The following KIF13B variants were observed in gnomAD, a reference collection of about 807,000 sequenced individuals.
The protein encoded by KIF13B is kinesin family member 13B.
In KIF13B, 127 loss-of-function variants were observed where a neutral mutation model predicts 222.0. The observed-to-expected ratio is 0.57, with a 90% confidence interval of 0.50 to 0.66. The LOEUF (loss-of-function observed/expected upper bound fraction) is 0.66, where lower values mean the gene tolerates loss of function less well. KIF13B is among the 30% of genes least tolerant of loss of function. The pLI is 0.00. For synonymous variants in KIF13B, 976 were observed against 919.0 expected (o/e 1.06, Z -1.12); for missense variants, 2,173 against 2,379.0 (o/e 0.91, Z 1.80).
At chr8:29,109,132 G>T (rs139701426) in intron 34 of KIF13B, among the ~76,000 whole-genome samples, 1 of 152,188 alleles carries the variant, frequency 6.6e-6, no homozygotes, top group East Asian at 1.9e-4. Flanking sequence ...CCATAGGCCC[G>T]TGGCTAGTTT....
At chr8:29,095,502 C>A (rs1428635450) in intron 36 of KIF13B, among the ~76,000 whole-genome samples, 1 of 152,238 alleles carries the variant, frequency 6.6e-6, no homozygotes, top group Non-Finnish European at 1.5e-5. Flanking sequence ...TGCGGTGGCT[C>A]ACGCCTGTAA....
chr8:29,179,960 A>G lies in KIF13B; in HGVS notation c.720+144T>C, dbSNP rs1370912836. 3 of 864,584 alleles carry G rather than the reference A, an allele frequency of 3.5e-6. No homozygotes were observed. In the African/African-American group the frequency reaches 5.1e-5, roughly 15 times the overall value. The allele number at this position is 864,584 out of a possible 1,614,324, so 53.6% of individuals were successfully genotyped here. On this transcript the variant is annotated intron_variant, in intron 8 of 39. Transcript: ENST00000524189. ...ATGACATCCCTTTCTATTGACCTAG[A>G]GGAGCTTCTGTTTCTCGTCCAGAGT...
At chr8:29,140,013 C>T (rs1330286359) in intron 21 of KIF13B, 50 bp downstream of exon 21, 3 of 1,504,154 alleles carry the variant, frequency 2.0e-6, no homozygotes, top group South Asian at 2.5e-5. Context: ...ATGGCAAAAA[C>T]TGCAATGACT....
At position 29,165,719 on chromosome 8, in the gene KIF13B, G is replaced by C. The variant is rs748854849; in HGVS notation, c.1212C>G (p.Ile404Met). The C allele has an allele frequency of 1.2e-6, 2 of 1,613,802 alleles. No individual in the cohort carries two copies. Among genetic ancestry groups the C allele is most frequent in the Non-Finnish European group, 1.7e-6 (2 of 1,179,770 alleles). Residue 404 changes from isoleucine (I) to methionine (M), a missense_variant, in exon 12 of 40, where the codon ATC becomes ATG. Around this residue, in one of 2 missense-constraint regions of KIF13B, gnomAD observed 1,480 missense variants for 1,722.8 expected, o/e 0.86. Coordinates refer to ENST00000524189, the MANE Select transcript of KIF13B (RefSeq NM_015254.4). Reference protein sequence around the residue: ...KDRLEESEKLIQEMTVTWEEK... With the variant: ...KDRLEESEKLMQEMTVTWEEK... Reference sequence around the variant, plus strand: ...CCTCCCAGGTCACAGTCATTTCCTGGATTAGCTTCTCAGATTCTTCCAGCC... The same window carrying C: ...CCTCCCAGGTCACAGTCATTTCCTGCATTAGCTTCTCAGATTCTTCCAGCC...
At chr8:29,132,010 G>A (rs771223901) in intron 23 of KIF13B, among the ~76,000 whole-genome samples, 31 of 152,174 alleles carry the variant, frequency 2.0e-4, no homozygotes, top group Admixed American at 5.9e-4. Flanking sequence ...ACTTTGGGAG[G>A]GTGAGGTGGG....
chr8:29,091,558 A>C (rs991084163), intron 37 of KIF13B, among the ~76,000 whole-genome samples: 6 of 152,266 alleles, frequency 3.9e-5, no homozygotes, highest in Admixed American at 1.3e-4. Context: ...GCAGGCTGAG[A>C]AACTATTTTT....
chr8:29,085,446 A>G (rs1356303199), intron 37 of KIF13B, among the ~76,000 whole-genome samples: 1 of 152,180 alleles, frequency 6.6e-6, no homozygotes, highest in Non-Finnish European at 1.5e-5. Context: ...TCTATTCCTC[A>G]GTCCTTACCT....
chr8:29,115,275 C>T (rs1330131286), intron 31 of KIF13B, among the ~76,000 whole-genome samples: 2 of 151,494 alleles, frequency 1.3e-5, no homozygotes, highest in Non-Finnish European at 2.9e-5. Flanking sequence ...AAAGGATCCC[C>T]AGACGCAATC....
At chr8:29,149,985 C>T (rs1407307252) in intron 15 of KIF13B, among the ~76,000 whole-genome samples, 1 of 152,050 alleles carries the variant, frequency 6.6e-6, no homozygotes. Flanking sequence ...AAAAGATAAA[C>T]ATGTCAGAAA....
intron 10 of KIF13B, among the ~76,000 whole-genome samples, chr8:29,174,190 C>T (rs780980086): frequency 7.2e-5 from 11 of 151,998 alleles, no homozygotes; most frequent in Non-Finnish European, 1.3e-4. Flanking sequence ...CCTTAGACTG[C>T]CCATTTGATC....
intron 2 of KIF13B, among the ~76,000 whole-genome samples, chr8:29,217,363 T>C (rs939008732): frequency 6.6e-6 from 1 of 152,242 alleles, no homozygotes; most frequent in Non-Finnish European, 1.5e-5. Flanking sequence ...GGAACTGAAT[T>C]GCCTGGTTGT....
chr8:29,149,016 G>A (rs773846699), intron 15 of KIF13B, among the ~76,000 whole-genome samples: 1 of 152,158 alleles, frequency 6.6e-6, no homozygotes, highest in Admixed American at 6.5e-5. Flanking sequence ...AGCTGAGGAC[G>A]TTTTCAGAGC....
In KIF13B at chr8:29,080,901, C is replaced by T. The variant is rs180871471; in HGVS notation, c.4459-5558G>A. Among the ~76,000 whole-genome samples the T allele has an allele frequency of 6.6e-5, 10 of 152,288 alleles. No homozygotes were observed. In the East Asian group the frequency reaches 1.9e-3, roughly 29 times the overall value. On this transcript the variant is annotated intron_variant, in intron 37 of 39. Coordinates refer to ENST00000524189, the MANE Select transcript of KIF13B (RefSeq NM_015254.4). ...ATGATAATCCCTGCTGAGGATTCTA[C>T]CCGCACTCGAATAGCGTCTTCTAAC...
At chr8:29,168,992 T>C (rs1657957098) in intron 10 of KIF13B, among the ~76,000 whole-genome samples, 1 of 152,204 alleles carries the variant, frequency 6.6e-6, no homozygotes, top group South Asian at 2.1e-4. Flanking sequence ...AGAATGTCAC[T>C]GAATGACAGA....
intron 2 of KIF13B, among the ~76,000 whole-genome samples, chr8:29,228,404 T>G (rs967520593): frequency 4.7e-5 from 7 of 148,888 alleles, no homozygotes; most frequent in Non-Finnish European, 1.0e-4. Flanking sequence ...GATGCGGAGC[T>G]TCCAGTGAGC....
At chr8:29,149,412 G>A (rs977080092) in intron 15 of KIF13B, among the ~76,000 whole-genome samples, 1 of 152,118 alleles carries the variant, frequency 6.6e-6, no homozygotes, top group Admixed American at 6.5e-5. Context: ...GGAGCACACC[G>A]ACCAGTGACA....
intron 37 of KIF13B, among the ~76,000 whole-genome samples, chr8:29,083,494 C>T (rs1337681960): frequency 6.6e-6 from 1 of 152,186 alleles, no homozygotes; most frequent in African/African-American, 2.4e-5. Context: ...CAGAAATCCT[C>T]TTACTTGCTG....
intron 2 of KIF13B, among the ~76,000 whole-genome samples, chr8:29,232,198 C>A (rs910453801): frequency 6.6e-6 from 1 of 151,856 alleles, no homozygotes; most frequent in African/African-American, 2.4e-5. Flanking sequence ...GTTGAGGCTG[C>A]AGTAAGCCAT....
chr8:29,147,043 A>G (rs1811089732), intron 17 of KIF13B, among the ~76,000 whole-genome samples: 1 of 152,214 alleles, frequency 6.6e-6, no homozygotes, highest in East Asian at 1.9e-4. Context: ...TACCTACCTG[A>G]GCTAATCAGT....
Sources: gnomAD v4.1 joint callset for allele counts (sites outside exome capture counted in the v4.1 genomes callset) on GRCh38, gnomAD v4.1.1 for gene constraint, gnomAD v4.1.1 regional missense constraint, MANE v1.5 for transcripts, NCBI Gene and HGNC (gene_info 2026-07-23, HGNC 2026-07-21) for gene names.